CALB1: variants seen among roughly 807,000 people sequenced by gnomAD.
The protein encoded by CALB1 is calbindin 1.
A neutral mutation model predicts 46.7 loss-of-function variants in CALB1; 16 were observed. The observed-to-expected ratio is 0.34, with a 90% CI of 0.23 to 0.52. The LOEUF (loss-of-function observed/expected upper bound fraction) is 0.52, where lower values mean the gene tolerates loss of function less well. CALB1 is among the 20% of genes least tolerant of loss of function. The pLI, the probability that CALB1 is intolerant of heterozygous loss-of-function variation, is 0.95. For missense variants in CALB1, 224 were observed against 300.3 expected (o/e 0.75, Z 1.88); for synonymous variants, 90 against 112.8 (o/e 0.80, Z 1.28).
chr8:90,071,433 T>C (rs1344459933), intron 3 of CALB1, among the ~76,000 whole-genome samples: 1 of 151,904 alleles, frequency 6.6e-6, no homozygotes, highest in Non-Finnish European at 1.5e-5. Flanking sequence ...GGAGGGAGAA[T>C]GGCAGTGGGT....
intron 10 of CALB1, 106 bp downstream of exon 10, chr8:90,060,523 T>G (rs1814276445): frequency 1.1e-6 from 1 of 890,026 alleles, no homozygotes; most frequent in East Asian, 2.4e-5. Flanking sequence ...CTATTTCTGC[T>G]CCTCTATAAA....
At chr8:90,079,088 T>A (rs1221859668) in intron 2 of CALB1, among the ~76,000 whole-genome samples, 1 of 152,000 alleles carries the variant, frequency 6.6e-6, no homozygotes, top group African/African-American at 2.4e-5. Context: ...CCCTTGGGTC[T>A]CCAACATAGC....
At chr8:90,068,798 A>G (rs1348830380) in intron 5 of CALB1, among the ~76,000 whole-genome samples, 200 bp downstream of exon 5, 3 of 152,136 alleles carry the variant, frequency 2.0e-5, no homozygotes, top group African/African-American at 7.2e-5. Flanking sequence ...AATTTTTTGC[A>G]TTACTGTACA....
intron 3 of CALB1, among the ~76,000 whole-genome samples, chr8:90,076,955 T>C (rs1814632848): frequency 6.6e-6 from 1 of 151,950 alleles, no homozygotes; most frequent in African/African-American, 2.4e-5. Context: ...CTGAGTCCAT[T>C]GGACTCCTTC....
At chr8:90,067,664 T>G (rs1814426074) in intron 5 of CALB1, among the ~76,000 whole-genome samples, 1 of 152,168 alleles carries the variant, frequency 6.6e-6, no homozygotes. Context: ...ACTCAAACTA[T>G]GTTGAATTAT....
intron 8 of CALB1, 22 bp from the exon 9 acceptor site, chr8:90,063,175 A>C (rs1417562108): frequency 3.2e-6 from 5 of 1,564,650 alleles, no homozygotes; most frequent in Non-Finnish European, 4.4e-6. Context: ...GAAGAGAGTA[A>C]ATGTTAAAAT....
intron 3 of CALB1, among the ~76,000 whole-genome samples, chr8:90,075,146 A>G (rs994690555): frequency 3.9e-5 from 6 of 152,236 alleles, no homozygotes; most frequent in Admixed American, 2.0e-4. Flanking sequence ...TAGAAAGTTC[A>G]GAAAGAAACA....
intron 2 of CALB1, among the ~76,000 whole-genome samples, chr8:90,080,319 AT>A (rs1007314203): frequency 3.3e-5 from 5 of 151,906 alleles, no homozygotes; most frequent in South Asian, 2.1e-4. Context: ...GAAGAAAAAT[AT>A]TTTTTTAAAG....
At chr8:90,082,479 G>A (rs1413266334) in intron 1 of CALB1, 140 bp downstream of exon 1, 1 of 720,246 alleles carries the variant, frequency 1.4e-6, no homozygotes, top group African/African-American at 1.8e-5. Context: ...GGGGAGATAA[G>A]AAGATAAGAT....
intron 2 of CALB1, among the ~76,000 whole-genome samples, chr8:90,081,795 G>A (rs1298015642): frequency 1.4e-5 from 2 of 146,988 alleles, no homozygotes; most frequent in African/African-American, 5.1e-5. Flanking sequence ...TCCCTTCTCT[G>A]TCCCTCCCTT....
chr8:90,075,629 CA>C (rs1814610156), intron 3 of CALB1, among the ~76,000 whole-genome samples: 1 of 152,074 alleles, frequency 6.6e-6, no homozygotes, highest in South Asian at 2.1e-4. Context: ...CAGTAGAGAG[CA>C]AAATATAAGT....
chr8:90,066,093 T>G, intron 5 of CALB1, 118 bp from the exon 6 acceptor site: 1 of 689,634 alleles, frequency 1.5e-6, no homozygotes. Flanking sequence ...TTTTGAGGGG[T>G]AGAAGCAGGT....
intron 2 of CALB1, among the ~76,000 whole-genome samples, chr8:90,078,875 T>A (rs1472859920): frequency 6.6e-6 from 1 of 152,150 alleles, no homozygotes; most frequent in Non-Finnish European, 1.5e-5. Flanking sequence ...GTTTTATCTA[T>A]GGAGAGTAAT....
intron 2 of CALB1, 28 bp downstream of exon 2, chr8:90,081,995 CTTT>C (rs773300189): frequency 1.3e-6 from 2 of 1,582,910 alleles, no homozygotes; most frequent in Admixed American, 1.8e-5. Context: ...GGTTAAAAGT[CTTT>C]TTTTCTTTTT....
chr8:90,073,712 T>C lies in CALB1; in HGVS notation c.232-4475A>G, dbSNP rs150699522. ...ACTTTGCCTGATGTTTTGGAGTAAG[T>C]TGAAATCCCTTGCTGTGGCTCATTT... On this transcript the variant is annotated intron_variant, in intron 3 of 10. Coordinates refer to ENST00000265431, the MANE Select transcript of CALB1 (RefSeq NM_004929.4). Among the ~76,000 whole-genome samples the C allele has an allele frequency of 1.4e-4, 21 of 152,318 alleles. No homozygotes were observed. In the South Asian group the frequency reaches 3.9e-3, roughly 29 times the overall value.
At chr8:90,076,826 G>C (rs1418944239) in intron 3 of CALB1, among the ~76,000 whole-genome samples, 1 of 151,666 alleles carries the variant, frequency 6.6e-6, no homozygotes, top group Admixed American at 6.6e-5. Context: ...AAGTAAAACC[G>C]GGATTCAAAA....
At chr8:90,069,999 A>G (rs1586180901) in intron 3 of CALB1, among the ~76,000 whole-genome samples, 1 of 151,648 alleles carries the variant, frequency 6.6e-6, no homozygotes, top group African/African-American at 2.4e-5. Context: ...GGAAGAAAAA[A>G]GGATTCCATA....
intron 1 of CALB1, 161 bp from the exon 2 acceptor site, chr8:90,082,263 T>C (rs1038227410): frequency 2.3e-5 from 15 of 641,038 alleles, no homozygotes; most frequent in Non-Finnish European, 4.1e-5. Flanking sequence ...GCTCCCCTCC[T>C]GGGGTATCAA....
At chr8:90,079,037 G>C (rs1814672242) in intron 2 of CALB1, among the ~76,000 whole-genome samples, 1 of 151,936 alleles carries the variant, frequency 6.6e-6, no homozygotes, top group Non-Finnish European at 1.5e-5. Flanking sequence ...ATAAACTAGT[G>C]ATCTGAACAT....
Sources: allele counts gnomAD v4.1 joint callset (sites outside exome capture counted in the v4.1 genomes callset), GRCh38; gene constraint gnomAD v4.1.1; transcripts MANE v1.5; gene names NCBI Gene and HGNC (gene_info 2026-07-23, HGNC 2026-07-21).